THSD4: variants seen among roughly 807,000 people sequenced by gnomAD.
The protein encoded by THSD4 is thrombospondin type 1 domain containing 4.
In THSD4, 69 loss-of-function variants were observed where a neutral mutation model predicts 119.0. The observed-to-expected ratio is 0.58, with a 90% CI of 0.48 to 0.71. The LOEUF (loss-of-function observed/expected upper bound fraction) is 0.71, where lower values mean the gene tolerates loss of function less well. THSD4 is among the 30% of genes least tolerant of loss of function. The pLI is 0.00. For missense variants in THSD4, 1,393 were observed against 1,391.1 expected (o/e 1.00, Z -0.02); for synonymous variants, 524 against 540.4 (o/e 0.97, Z 0.42).
chr15:71,713,071 GCTCCTCAAGCCAAGGAAAC>G (rs1274885440), intron 8 of THSD4, among the ~76,000 whole-genome samples: 1 of 152,188 alleles, frequency 6.6e-6, no homozygotes, highest in African/African-American at 2.4e-5. Context: ...GGTAGCCCAG[GCTCCTCAAGCCAAGGAAAC>G]CTGGGAAGTT....
chr15:71,679,404 A>G (rs1169203620), intron 8 of THSD4, among the ~76,000 whole-genome samples: 1 of 152,234 alleles, frequency 6.6e-6, no homozygotes, highest in African/African-American at 2.4e-5. Flanking sequence ...AGAAAGCAGC[A>G]TAGACAATAT....
At chr15:71,714,016 C>CATAG (rs1287476169) in intron 8 of THSD4, among the ~76,000 whole-genome samples, 5 of 151,574 alleles carry the variant, frequency 3.3e-5, no homozygotes, top group Non-Finnish European at 7.4e-5. Flanking sequence ...GGGGTCAAGT[C>CATAG]ATAGCTCCAA....
At chr15:71,122,125 G>A (rs373354421) in intron 1 of THSD4, among the ~76,000 whole-genome samples, 1 of 152,076 alleles carries the variant, frequency 6.6e-6, no homozygotes, top group East Asian at 1.9e-4. Flanking sequence ...TGACTTTAGC[G>A]ATATTTTAGT....
chr15:71,137,953 C>T lies in THSD4; in HGVS notation c.-79-3496C>T, dbSNP rs151273053. 1.9e-4 allele frequency among the ~76,000 whole-genome samples: 29 copies of T among 152,224 alleles called. No homozygotes were observed. In the East Asian group the frequency reaches 4.4e-3, roughly 23 times the overall value. ...GTTTTGATAATTTCAGATGTTTTTCCGGTTGACATCTTATCAGATCTGTTC... is the reference window on the plus strand; with the variant it reads ...GTTTTGATAATTTCAGATGTTTTTCTGGTTGACATCTTATCAGATCTGTTC... On this transcript the variant is annotated intron_variant, in intron 1 of 17. Transcript: ENST00000261862.
At chr15:71,146,237 CT>C in intron 2 of THSD4, among the ~76,000 whole-genome samples, 1 of 152,132 alleles carries the variant, frequency 6.6e-6, no homozygotes, top group Admixed American at 6.5e-5. Context: ...GGCCATGGGC[CT>C]TTCTTTGCTC....
chr15:71,741,847 C>T (rs1315362445), intron 11 of THSD4, among the ~76,000 whole-genome samples: 2 of 152,208 alleles, frequency 1.3e-5, no homozygotes, highest in African/African-American at 4.8e-5. Flanking sequence ...TAAAGCAAAC[C>T]TAGGGATGTG....
chr15:71,112,432 T>C, upstream of THSD4: 1 of 458,290 alleles, frequency 2.2e-6, no homozygotes, highest in Non-Finnish European at 3.6e-6. Context: ...TCTGTCCCTT[T>C]AGGAGCTGCC....
intron 6 of THSD4, among the ~76,000 whole-genome samples, chr15:71,403,147 C>G (rs2046560124): frequency 1.3e-5 from 2 of 152,218 alleles, no homozygotes; most frequent in African/African-American, 2.4e-5. Context: ...TGGCCATTCT[C>G]TTTGCTTCTT....
At chr15:71,714,027 T>C (rs189241891) in intron 8 of THSD4, among the ~76,000 whole-genome samples, 12 of 144,664 alleles carry the variant, frequency 8.3e-5, no homozygotes, top group Admixed American at 7.9e-4. Context: ...ATAGCTCCAA[T>C]AGTTACTTAC....
intron 7 of THSD4, among the ~76,000 whole-genome samples, chr15:71,530,184 G>A (rs2048587354): frequency 6.6e-6 from 1 of 152,110 alleles, no homozygotes; most frequent in African/African-American, 2.4e-5. Flanking sequence ...AACGAGTTCT[G>A]TATGCAAGCT....
At chr15:71,341,850 T>C (rs2045582797) in intron 6 of THSD4, 1 of 637,776 alleles carries the variant, frequency 1.6e-6, no homozygotes, top group Non-Finnish European at 2.8e-6. Flanking sequence ...ACTAGGTTTT[T>C]ATTATATTTC....
intron 7 of THSD4, among the ~76,000 whole-genome samples, chr15:71,596,285 GCAGT>G (rs1194310248): frequency 6.6e-6 from 1 of 152,180 alleles, no homozygotes; most frequent in East Asian, 1.9e-4. Flanking sequence ...GGGTAGGAAC[GCAGT>G]CAGATTGTGA....
In THSD4 at chr15:71,510,513, G is replaced by A. The variant is rs144206238; in HGVS notation, c.1152+98690G>A. ...CTGGAGAGAAAGATGGTGTGAGTGG[G>A]CTCTTCTAGATTCTGTGATCAGGGA... On this transcript the variant is annotated intron_variant, in intron 7 of 17. Coordinates refer to ENST00000261862, the MANE Select transcript of THSD4 (RefSeq NM_024817.3). 3.3e-5 allele frequency among the ~76,000 whole-genome samples: 5 copies of A among 152,302 alleles called. No homozygotes were observed. The East Asian group carries it at 9.6e-4, about 29-fold the overall frequency.
intron 16 of THSD4, 40 bp downstream of exon 16, chr15:71,765,239 A>C (rs12442377): frequency 6.3e-7 from 1 of 1,589,220 alleles, no homozygotes; most frequent in Non-Finnish European, 8.6e-7. Flanking sequence ...CATTGGCACA[A>C]CGTCCCCCAC....
chr15:71,633,669 G>T (rs1452685534), intron 7 of THSD4, among the ~76,000 whole-genome samples: 1 of 152,052 alleles, frequency 6.6e-6, no homozygotes, highest in Non-Finnish European at 1.5e-5. Context: ...TTGTCTTTCA[G>T]TTCATTTAGT....
intron 4 of THSD4, among the ~76,000 whole-genome samples, chr15:71,228,756 TA>T (rs969148058): frequency 6.6e-6 from 1 of 152,036 alleles, no homozygotes; most frequent in Admixed American, 6.5e-5. Context: ...TTCTCGCCCT[TA>T]TGCCCCAGGT....
chr15:71,494,263 A>C (rs1478737769), intron 7 of THSD4, among the ~76,000 whole-genome samples: 1 of 152,170 alleles, frequency 6.6e-6, no homozygotes, highest in Non-Finnish European at 1.5e-5. Flanking sequence ...AATTATAATA[A>C]AATAGGTGAA....
At chr15:71,447,604 G>A (rs931369729) in intron 7 of THSD4, among the ~76,000 whole-genome samples, 2 of 152,160 alleles carry the variant, frequency 1.3e-5, no homozygotes, top group African/African-American at 4.8e-5. Flanking sequence ...TTTAGTATCT[G>A]TCATAGTTAC....
chr15:71,636,483 A>G (rs777359906), intron 7 of THSD4, among the ~76,000 whole-genome samples: 23 of 152,156 alleles, frequency 1.5e-4, no homozygotes, highest in Non-Finnish European at 3.4e-4. Context: ...CACAGATTCA[A>G]TGAAATAAGG....
Sources: allele counts gnomAD v4.1 joint callset (sites outside exome capture counted in the v4.1 genomes callset), GRCh38; gene constraint gnomAD v4.1.1; transcripts MANE v1.5; gene names NCBI Gene and HGNC (gene_info 2026-07-23, HGNC 2026-07-21).